The following MROH9 variants were observed in gnomAD, a reference collection of about 807,000 sequenced individuals.
MROH9 encodes maestro heat like repeat family member 9.
A neutral mutation model predicts 98.2 loss-of-function variants in MROH9; 92 were observed. That is an observed-to-expected ratio of 0.94 (90% CI 0.79 to 1.11). The LOEUF is 1.11. Ranked by LOEUF, MROH9 falls within the 50% of genes most tolerant of loss-of-function variation. The pLI is 0.00. For missense variants in MROH9, 1,057 were observed against 1,014.8 expected, an observed-to-expected ratio of 1.04 and a Z score of -0.57; for synonymous variants, 397 against 368.9, an observed-to-expected ratio of 1.08 and a Z score of -0.87.
intron 15 of MROH9, among the ~76,000 whole-genome samples, chr1:171,011,507 T>A (rs1363970045): frequency 1.3e-5 from 2 of 152,192 alleles, no homozygotes; most frequent in Non-Finnish European, 2.9e-5. Flanking sequence ...ATTTGGAGAT[T>A]TATATTTTTC....
At chr1:171,057,938 G>T (rs1287610239) in intron 20 of MROH9, among the ~76,000 whole-genome samples, 3 of 151,954 alleles carry the variant, frequency 2.0e-5, no homozygotes, top group Non-Finnish European at 4.4e-5. Flanking sequence ...ATTACCACCA[G>T]GCCTGCCCGA....
intron 10 of MROH9, among the ~76,000 whole-genome samples, chr1:170,988,092 G>A (rs76024468): frequency 0.046 from 6,994 of 152,242 alleles, 535 homozygotes; most frequent in African/African-American, 0.16. Context: ...AAAATACAAA[G>A]ATGAAATTGT....
intron 8 of MROH9, among the ~76,000 whole-genome samples, chr1:170,981,977 T>C (rs1318684289): frequency 3.9e-5 from 6 of 152,186 alleles, no homozygotes; most frequent in Non-Finnish European, 8.8e-5. Flanking sequence ...GGAGCTCACA[T>C]ACATTGCGGG....
chr1:171,027,382 T>A (rs1364628698), intron 20 of MROH9, among the ~76,000 whole-genome samples: 1 of 152,176 alleles, frequency 6.6e-6, no homozygotes, highest in African/African-American at 2.4e-5. Flanking sequence ...AAGAACATGA[T>A]CTCATTCTTC....
intron 15 of MROH9, among the ~76,000 whole-genome samples, chr1:171,004,537 T>C (rs1651888859): frequency 6.6e-6 from 1 of 152,158 alleles, no homozygotes; most frequent in African/African-American, 2.4e-5. Context: ...TCCAGTCAGG[T>C]TGTGTGTTTA....
intron 11 of MROH9, 50 bp from the exon 12 acceptor site, chr1:170,992,114 G>A: frequency 6.6e-7 from 1 of 1,523,108 alleles, no homozygotes. Flanking sequence ...CTATCAAGTA[G>A]GACATGACAA....
At position 170,961,975 on chromosome 1, in the gene MROH9, A is replaced by T; in HGVS notation, c.374A>T (p.Lys125Met). 1 of 1,491,810 alleles carries T rather than the reference A, an allele frequency of 6.7e-7. No individual in the cohort carries two copies. The highest frequency in any genetic ancestry group is 9.1e-7 in the Non-Finnish European group (1 of 1,098,456). The allele number at this position is 1,491,810 out of a possible 1,614,324, so 92.4% of individuals were successfully genotyped here. ...GACCTCTACAAACTACAGATCTTAA[A>T]GGTAAAGAGGAAATAAGTAGTTTAA... ...SKDLYKLQIL[K>M]EMLVWMSKDS... The change falls in exon 6 of 22, where the codon AAG (lysine) becomes ATG (methionine). Residue 125 changes from lysine to methionine, a missense_variant and splice_region_variant. Coordinates refer to ENST00000367759, the MANE Select transcript of MROH9 (RefSeq NM_001163629.2).
intron 12 of MROH9, among the ~76,000 whole-genome samples, chr1:170,993,297 A>G (rs1003682939): frequency 3.9e-5 from 6 of 152,210 alleles, no homozygotes; most frequent in Non-Finnish European, 7.3e-5. Flanking sequence ...GCTAGGCAAT[A>G]TGGCAATGAT....
At position 171,010,704 on chromosome 1, in the gene MROH9, C is replaced by T. The variant is rs997311943; in HGVS notation, c.1597-3413C>T. Among the ~76,000 whole-genome samples the T allele has an allele frequency of 2.6e-5, 4 of 152,250 alleles. No homozygotes were observed. In the East Asian group the frequency reaches 7.7e-4, roughly 29 times the overall value. ...TGACCAGTGATGATGAGCATTTTTTCATATGTCTGTTGGCTGCATAAATGT... is the reference window on the plus strand; with the variant it reads ...TGACCAGTGATGATGAGCATTTTTTTATATGTCTGTTGGCTGCATAAATGT... On this transcript the variant is annotated intron_variant, in intron 15 of 21. Coordinates refer to ENST00000367759, the MANE Select transcript of MROH9 (RefSeq NM_001163629.2).
intron 9 of MROH9, among the ~76,000 whole-genome samples, chr1:170,983,799 C>T (rs1391328251): frequency 6.6e-6 from 1 of 152,092 alleles, no homozygotes; most frequent in East Asian, 1.9e-4. Flanking sequence ...TTCCTAGTTA[C>T]ACTTCTTTTT....
At chr1:171,022,741 T>C (rs942149542) in intron 17 of MROH9, among the ~76,000 whole-genome samples, 1 of 152,112 alleles carries the variant, frequency 6.6e-6, no homozygotes, top group Non-Finnish European at 1.5e-5. Flanking sequence ...TTTCTGCACT[T>C]GTATCCCAGA....
At chr1:171,014,276 C>T (rs757331079) in intron 16 of MROH9, 22 bp downstream of exon 16, 47 of 1,537,212 alleles carry the variant, frequency 3.1e-5, no homozygotes, top group Non-Finnish European at 3.7e-5. Flanking sequence ...TGATTTGTGT[C>T]TGCAAGCATC....
intron 3 of MROH9, among the ~76,000 whole-genome samples, chr1:170,957,808 TTGTTTGTTTG>T (rs1432449586): frequency 0.034 from 4,621 of 136,118 alleles, 155 homozygotes; most frequent in Non-Finnish European, 0.045. Flanking sequence ...TTTTTTTTTT[TTGTTTGTTTG>T]TTTTTTTTGA....
chr1:171,040,323 A>G (rs1189553030), intron 20 of MROH9, among the ~76,000 whole-genome samples: 1 of 152,068 alleles, frequency 6.6e-6, no homozygotes, highest in Non-Finnish European at 1.5e-5. Context: ...ACTTAATAAT[A>G]TTGTATTACA....
At chr1:171,010,538 T>A (rs1652114921) in intron 15 of MROH9, among the ~76,000 whole-genome samples, 2 of 152,180 alleles carry the variant, frequency 1.3e-5, no homozygotes, top group Admixed American at 1.3e-4. Flanking sequence ...TGAACTAATT[T>A]ATACTCCCAC....
At chr1:170,960,962 T>G (rs1313240187) in intron 5 of MROH9, among the ~76,000 whole-genome samples, 1 of 152,202 alleles carries the variant, frequency 6.6e-6, no homozygotes, top group Non-Finnish European at 1.5e-5. Context: ...TTGGATAACT[T>G]GTAGGTGTCA....
intron 1 of MROH9, among the ~76,000 whole-genome samples, chr1:170,941,709 T>C (rs1263035427): frequency 6.6e-6 from 1 of 152,112 alleles, no homozygotes; most frequent in Non-Finnish European, 1.5e-5. Flanking sequence ...TCCACCATAG[T>C]AGGGTCTGAT....
intron 2 of MROH9, 132 bp from the exon 3 acceptor site, chr1:170,947,393 AGT>A (rs796843714): frequency 2.1e-5 from 14 of 668,176 alleles, no homozygotes; most frequent in Non-Finnish European, 3.2e-5. Flanking sequence ...CTATAGTTTT[AGT>A]GTGTGTGTGC....
intron 20 of MROH9, among the ~76,000 whole-genome samples, chr1:171,046,980 G>A (rs1653489350): frequency 1.3e-5 from 2 of 152,112 alleles, no homozygotes; most frequent in African/African-American, 2.4e-5. Context: ...CTTTGAATAT[G>A]TCATGTCACT....
Sources: gnomAD v4.1 joint callset for allele counts (sites outside exome capture counted in the v4.1 genomes callset) on GRCh38, gnomAD v4.1.1 for gene constraint, MANE v1.5 for transcripts, NCBI Gene and HGNC (gene_info 2026-07-23, HGNC 2026-07-21) for gene names.